WWC1: variants seen among roughly 807,000 people sequenced by gnomAD.
WWC1 encodes the protein WW and C2 domain containing 1, also known as protein KIBRA.
Under a neutral mutation model 138.4 loss-of-function variants are expected in WWC1, and 55 were observed. The observed-to-expected ratio is 0.40, with a 90% CI of 0.32 to 0.50. WWC1 has a LOEUF of 0.50. WWC1 is among the 20% of genes least tolerant of loss of function. The pLI is 0.72. For missense variants in WWC1, 1,226 were observed against 1,420.4 expected (o/e 0.86, Z 2.20); for synonymous variants, 524 against 564.9 (o/e 0.93, Z 1.03).
chr5:168,324,974 A>G (rs1455737450), intron 1 of WWC1, among the ~76,000 whole-genome samples: 1 of 152,194 alleles, frequency 6.6e-6, no homozygotes, highest in Non-Finnish European at 1.5e-5. Context: ...AGCTGAGTTC[A>G]AATACCTGAA....
At chr5:168,309,894 A>G (rs1039565805) in intron 1 of WWC1, among the ~76,000 whole-genome samples, 1 of 152,158 alleles carries the variant, frequency 6.6e-6, no homozygotes. Context: ...CTGTGTCTAG[A>G]CAAGCACGAC....
At chr5:168,335,523 G>C (rs987411026) in intron 1 of WWC1, among the ~76,000 whole-genome samples, 1 of 152,214 alleles carries the variant, frequency 6.6e-6, no homozygotes, top group Admixed American at 6.5e-5. Context: ...TATCTCATTT[G>C]AGCTGGACCT....
chr5:168,426,782 C>T (rs1426459338), intron 11 of WWC1, among the ~76,000 whole-genome samples: 2 of 152,232 alleles, frequency 1.3e-5, no homozygotes, highest in Non-Finnish European at 2.9e-5. Flanking sequence ...CTCAATGCTG[C>T]GAGCCCTTGC....
At chr5:168,349,160 GAC>G (rs1774723611) in intron 1 of WWC1, among the ~76,000 whole-genome samples, 1 of 152,134 alleles carries the variant, frequency 6.6e-6, no homozygotes, top group Non-Finnish European at 1.5e-5. Context: ...GAGATGACCA[GAC>G]ACAGTGATTT....
intron 21 of WWC1, among the ~76,000 whole-genome samples, chr5:168,465,477 T>C (rs1279855965): frequency 1.3e-5 from 2 of 149,952 alleles, no homozygotes; most frequent in African/African-American, 5.0e-5. Flanking sequence ...TTTAAGGGAT[T>C]TAGGGGTTGA....
In WWC1 at chr5:168,408,498, C is replaced by G; in HGVS notation, c.721-9C>G. On this transcript the variant is annotated splice_polypyrimidine_tract_variant and intron_variant, in intron 6 of 22. Coordinates refer to ENST00000265293, the MANE Select transcript of WWC1 (RefSeq NM_015238.3). The stretch of plus-strand genomic sequence containing the variant: ...GGCGCATCACTAACCCTGCTCTCCC[C>G]TCCTTCAGAGCCTTGCCATGTTGAA... 1.9e-6 allele frequency: 3 copies of G among 1,613,772 alleles called. No individual in the cohort carries two copies. The highest frequency in any genetic ancestry group is 4.5e-5 in the East Asian group (2 of 44,866).
intron 1 of WWC1, among the ~76,000 whole-genome samples, chr5:168,352,117 A>G (rs1364894435): frequency 1.3e-5 from 2 of 152,206 alleles, no homozygotes; most frequent in African/African-American, 2.4e-5. Flanking sequence ...GGCCCATGGC[A>G]AGAGCTCAAT....
At chr5:168,394,587 G>C (rs773511558) in intron 3 of WWC1, among the ~76,000 whole-genome samples, 1 of 152,124 alleles carries the variant, frequency 6.6e-6, no homozygotes, top group Non-Finnish European at 1.5e-5. Flanking sequence ...TTAGCTGGGC[G>C]TGGTGGCAGG....
At chr5:168,454,568 C>T (rs1470076025) in intron 18 of WWC1, among the ~76,000 whole-genome samples, 2 of 152,224 alleles carry the variant, frequency 1.3e-5, no homozygotes, top group Admixed American at 1.3e-4. Flanking sequence ...CCCTGCTGCA[C>T]TAGGGTCACA....
chr5:168,383,228 T>A (rs891877390), intron 2 of WWC1, among the ~76,000 whole-genome samples: 3 of 150,704 alleles, frequency 2.0e-5, no homozygotes, highest in African/African-American at 4.9e-5. Flanking sequence ...ACAACAACAA[T>A]GAAAACTGAT....
intron 22 of WWC1, among the ~76,000 whole-genome samples, chr5:168,468,492 T>C (rs1757484806): frequency 6.7e-6 from 1 of 149,994 alleles, no homozygotes; most frequent in South Asian, 2.1e-4. Context: ...TTTGTGTATG[T>C]GCTTTAAAAA....
chr5:168,310,458 A>G (rs935562356), intron 1 of WWC1, among the ~76,000 whole-genome samples: 3 of 151,496 alleles, frequency 2.0e-5, no homozygotes, highest in African/African-American at 7.3e-5. Flanking sequence ...TAATGTATCC[A>G]AAGATATAGA....
chr5:168,458,699 C>T (rs1756543723), intron 19 of WWC1, among the ~76,000 whole-genome samples: 1 of 152,180 alleles, frequency 6.6e-6, no homozygotes, highest in Non-Finnish European at 1.5e-5. Context: ...TTTCACTGCT[C>T]TCTGCATCAG....
intron 1 of WWC1, among the ~76,000 whole-genome samples, chr5:168,326,169 C>T (rs58158931): frequency 8.7e-5 from 13 of 148,778 alleles, no homozygotes; most frequent in East Asian, 3.9e-4. Flanking sequence ...GGTAATAAGG[C>T]GTAAATGGGG....
At position 168,468,844 on chromosome 5, in the gene WWC1, T is replaced by G. The variant is rs377610270; in HGVS notation, c.3276-107T>G. The G allele has an allele frequency of 9.0e-5, 105 of 1,169,006 alleles. No individual in the cohort carries two copies. The African/African-American group carries it at 1.1e-3, about 12-fold the overall frequency. The allele number at this position is 1,169,006 out of a possible 1,614,324, so 72.4% of individuals were successfully genotyped here. A position where few individuals can be genotyped will look rare whatever the true frequency, so the allele number is the denominator to read the frequency against. On this transcript the variant is annotated intron_variant, in intron 22 of 22. Coordinates refer to ENST00000265293, the MANE Select transcript of WWC1 (RefSeq NM_015238.3). ...AGGCCAAGGACGTTGCTAAACATTC[T>G]GCAGCGAATGTATAGGACAGCTCCC...
intron 1 of WWC1, among the ~76,000 whole-genome samples, chr5:168,354,913 T>C (rs1003556229): frequency 1.3e-5 from 2 of 152,192 alleles, no homozygotes; most frequent in African/African-American, 4.8e-5. Flanking sequence ...TCAGGGACTT[T>C]GCTTCAGGAG....
At chr5:168,438,531 C>G (rs979838044) in intron 15 of WWC1, among the ~76,000 whole-genome samples, 1 of 152,198 alleles carries the variant, frequency 6.6e-6, no homozygotes, top group Non-Finnish European at 1.5e-5. Context: ...TTATAAATGA[C>G]TCAGTCTCGG....
intron 1 of WWC1, among the ~76,000 whole-genome samples, chr5:168,321,843 A>G (rs1184048276): frequency 6.6e-6 from 1 of 152,096 alleles, no homozygotes; most frequent in Non-Finnish European, 1.5e-5. Context: ...AGCCGGTGAT[A>G]TCCTTTTCTT....
intron 2 of WWC1, among the ~76,000 whole-genome samples, chr5:168,373,672 C>T (rs868401922): frequency 7.2e-5 from 10 of 139,666 alleles, no homozygotes; most frequent in African/African-American, 2.5e-4. Flanking sequence ...TCATTTGAAC[C>T]CAGGAGTTCA....
Sources: allele counts gnomAD v4.1 joint callset (sites outside exome capture counted in the v4.1 genomes callset), GRCh38; gene constraint gnomAD v4.1.1; transcripts MANE v1.5; gene names NCBI Gene and HGNC (gene_info 2026-07-23, HGNC 2026-07-21).